CATSPERB: variants seen among roughly 807,000 people sequenced by gnomAD.
CATSPERB encodes cation channel sperm-associated auxiliary subunit beta.
In CATSPERB, 93 loss-of-function variants were observed where a neutral mutation model predicts 128.3. The observed-to-expected ratio is 0.72, with a 90% CI of 0.61 to 0.86. The LOEUF is 0.86. CATSPERB is among the 40% of genes least tolerant of loss of function. The pLI is 0.00. For synonymous variants in CATSPERB, 381 were observed against 448.8 expected, an observed-to-expected ratio of 0.85 and a Z score of 1.91; for missense variants, 1,153 against 1,329.5, an observed-to-expected ratio of 0.87 and a Z score of 2.06.
Position 91,673,028 on chromosome 14 carries a change from AG to A in CATSPERB, c.979-13del, listed in dbSNP as rs1445261253. 1 of 1,563,390 alleles carries A rather than the reference AG, an allele frequency of 6.4e-7. No individual in the cohort carries two copies. The highest frequency in any genetic ancestry group is 1.4e-5 in the African/African-American group (1 of 70,714). ...AAACAAGAGCTTGACTATAAAAAAA[AG>A]AAGGGAAAAATTAATGCTGTTTTTG... On this transcript the variant is annotated splice_polypyrimidine_tract_variant and intron_variant, in intron 12 of 26. Coordinates refer to ENST00000256343, the MANE Select transcript of CATSPERB (RefSeq NM_024764.4).
chr14:91,633,028 C>T (rs925993907), intron 17 of CATSPERB, among the ~76,000 whole-genome samples: 1 of 152,152 alleles, frequency 6.6e-6, no homozygotes, highest in Non-Finnish European at 1.5e-5. Context: ...AGCCACTTCT[C>T]CACAGTTAAC....
At chr14:91,629,846 A>T (rs1276459215) in intron 17 of CATSPERB, among the ~76,000 whole-genome samples, 2 of 152,184 alleles carry the variant, frequency 1.3e-5, no homozygotes, top group Non-Finnish European at 1.5e-5. Flanking sequence ...GAGAGAAATC[A>T]GCCTTTAAAA....
In CATSPERB at chr14:91,580,824, A is replaced by G. The variant is rs2139750477; in HGVS notation, c.*65T>C. ...TGTAGCTTGCATATTTAACATTTAAATATATTGTTCTAGGAATTGGCTGAT... is the reference window on the plus strand; with the variant it reads ...TGTAGCTTGCATATTTAACATTTAAGTATATTGTTCTAGGAATTGGCTGAT... On this transcript the variant is annotated 3_prime_UTR_variant, in exon 27 of 27. Coordinates refer to ENST00000256343, the MANE Select transcript of CATSPERB (RefSeq NM_024764.4). 1.6e-6 allele frequency: 2 copies of G among 1,246,626 alleles called. No homozygotes were observed. Among genetic ancestry groups the G allele is most frequent in the Non-Finnish European group, 2.3e-6 (2 of 870,998 alleles). 77.2% of individuals were successfully genotyped at this position (1,246,626 alleles called of 1,614,324 possible). A position where few individuals can be genotyped will look rare whatever the true frequency, so the allele number is the denominator to read the frequency against.
At chr14:91,696,142 T>A (rs1233009916) in intron 7 of CATSPERB, among the ~76,000 whole-genome samples, 1 of 152,158 alleles carries the variant, frequency 6.6e-6, no homozygotes, top group African/African-American at 2.4e-5. Context: ...AATATAGATT[T>A]GGGAATCATC....
intron 22 of CATSPERB, among the ~76,000 whole-genome samples, chr14:91,598,886 T>C (rs1442621356): frequency 6.8e-6 from 1 of 147,162 alleles, no homozygotes; most frequent in African/African-American, 2.5e-5. Flanking sequence ...AGGAAAAAGA[T>C]TTGACCTAAC....
intron 18 of CATSPERB, among the ~76,000 whole-genome samples, chr14:91,624,051 G>GA (rs892239255): frequency 4.0e-5 from 6 of 151,582 alleles, no homozygotes; most frequent in East Asian, 1.9e-4. Flanking sequence ...TATTATATTA[G>GA]AAAAAAAAAT....
intron 23 of CATSPERB, among the ~76,000 whole-genome samples, chr14:91,591,256 T>C (rs1310395514): frequency 6.6e-6 from 1 of 151,830 alleles, no homozygotes; most frequent in Non-Finnish European, 1.5e-5. Context: ...GGTTTCACCA[T>C]ATTGGTCAGA....
chr14:91,603,683 G>C (rs960275273), intron 22 of CATSPERB, among the ~76,000 whole-genome samples: 1 of 152,186 alleles, frequency 6.6e-6, no homozygotes, highest in Middle Eastern at 3.2e-3. Context: ...AATCATGGCA[G>C]AAGGTAAAAG....
chr14:91,587,477 C>CTTTTTTTTTTTTTTTTTTTTTTTTTTTT (rs3029803), intron 25 of CATSPERB, among the ~76,000 whole-genome samples: 2 of 101,566 alleles, frequency 2.0e-5, no homozygotes, highest in African/African-American at 3.8e-5. Flanking sequence ...ATAGCTGATA[C>CTTTTTTTTTTTTTTTTTTTTTTTTTTTT]TTTTTTTTTT....
intron 17 of CATSPERB, 143 bp downstream of exon 17, chr14:91,636,282 G>A (rs1894372172): frequency 1.4e-6 from 1 of 702,274 alleles, no homozygotes; most frequent in Non-Finnish European, 2.4e-6. Context: ...AGCATTGCTT[G>A]AGCCTGGGAG....
At chr14:91,651,962 T>C (rs1894710006) in intron 15 of CATSPERB, among the ~76,000 whole-genome samples, 1 of 152,214 alleles carries the variant, frequency 6.6e-6, no homozygotes, top group Non-Finnish European at 1.5e-5. Flanking sequence ...TTGATCTGTA[T>C]ATAAAATCTA....
chr14:91,632,977 T>G (rs922699106), intron 17 of CATSPERB, among the ~76,000 whole-genome samples: 1 of 152,126 alleles, frequency 6.6e-6, no homozygotes, highest in Admixed American at 6.5e-5. Flanking sequence ...CCAAGAGAAA[T>G]TTGTACAAAC....
chr14:91,657,083 T>C (rs1273339229), intron 15 of CATSPERB, among the ~76,000 whole-genome samples: 1 of 152,020 alleles, frequency 6.6e-6, no homozygotes, highest in Non-Finnish European at 1.5e-5. Context: ...CAACAACCCA[T>C]GTTCACCTTT....
Position 91,693,532 on chromosome 14 carries a change from A to G in CATSPERB, c.617-53T>C. On this transcript the variant is annotated intron_variant, in intron 7 of 26. Coordinates refer to ENST00000256343, the MANE Select transcript of CATSPERB (RefSeq NM_024764.4). ...GCCAGGCAACTTTACAAGGTGAGTC[A>G]CCTTCAGGGGCAAGAGCCCAGAGTC... The G allele has an allele frequency of 2.2e-6, 3 of 1,347,370 alleles. No individual in the cohort carries two copies. In the Admixed American group the frequency reaches 5.2e-5, roughly 23 times the overall value. 83.5% of individuals were successfully genotyped at this position (1,347,370 alleles called of 1,614,324 possible).
chr14:91,714,285 AAAAAAAAG>A (rs779471634), intron 5 of CATSPERB, among the ~76,000 whole-genome samples: 3,088 of 146,358 alleles, frequency 0.021, 38 homozygotes, highest in Non-Finnish European at 0.035. Flanking sequence ...GGCAAAAAAA[AAAAAAAAG>A]AAAAAAAGAA....
intron 18 of CATSPERB, among the ~76,000 whole-genome samples, chr14:91,624,449 G>A (rs1013814789): frequency 1.3e-5 from 2 of 152,066 alleles, no homozygotes; most frequent in Admixed American, 1.3e-4. Context: ...GCACCACTGC[G>A]CTCCAGGCTG....
At chr14:91,660,101 C>A (rs898787300) in intron 14 of CATSPERB, 120 bp from the exon 15 acceptor site, 1 of 218,234 alleles carries the variant, frequency 4.6e-6, no homozygotes, top group South Asian at 8.7e-5. Flanking sequence ...CTACATTCAT[C>A]TCTCTCTCTC....
chr14:91,636,129 G>A (rs1894369674), intron 17 of CATSPERB: 2 of 259,458 alleles, frequency 7.7e-6, no homozygotes, highest in Non-Finnish European at 1.5e-5. Context: ...TTGGGAAGCT[G>A]AGGTGGGTGA....
chr14:91,618,685 A>T (rs902622559), intron 19 of CATSPERB, among the ~76,000 whole-genome samples: 2 of 152,212 alleles, frequency 1.3e-5, no homozygotes, highest in Non-Finnish European at 2.9e-5. Context: ...CCTGCAGGCC[A>T]CCTGTTTGCA....
Sources: allele counts gnomAD v4.1 joint callset (sites outside exome capture counted in the v4.1 genomes callset), GRCh38; gene constraint gnomAD v4.1.1; transcripts MANE v1.5; gene names NCBI Gene and HGNC (gene_info 2026-07-23, HGNC 2026-07-21).